NNT: variants seen among roughly 807,000 people sequenced by gnomAD.
NNT encodes the protein nicotinamide nucleotide transhydrogenase.
In NNT, 50 loss-of-function variants were observed where a neutral mutation model predicts 104.8. That is an observed-to-expected ratio of 0.48 (90% CI 0.38 to 0.60). NNT has a LOEUF of 0.60. Among genes scored for constraint, NNT ranks in the 20% least tolerant of loss-of-function variants. NNT has a pLI of 0.00. For synonymous variants in NNT, 461 were observed against 490.4 expected (o/e 0.94, Z 0.79); for missense variants, 1,131 against 1,330.7 (o/e 0.85, Z 2.33).
At chr5:43,685,044 A>T (rs776486583) in intron 19 of NNT, among the ~76,000 whole-genome samples, 3 of 152,190 alleles carry the variant, frequency 2.0e-5, no homozygotes, top group African/African-American at 7.2e-5. Context: ...TTGGGACAAA[A>T]CAGTGTGCAA....
intron 3 of NNT, among the ~76,000 whole-genome samples, chr5:43,615,114 G>A (rs1441308131): frequency 2.0e-5 from 3 of 151,784 alleles, no homozygotes; most frequent in African/African-American, 4.8e-5. Flanking sequence ...TCCGCAGTCC[G>A]GCCTGGGCGA....
chr5:43,629,376 G>T (rs1750555407), intron 7 of NNT, among the ~76,000 whole-genome samples: 1 of 152,096 alleles, frequency 6.6e-6, no homozygotes, highest in African/African-American at 2.4e-5. Context: ...TCTACTCGTT[G>T]GTTGATGCGC....
At chr5:43,700,665 C>T (rs564053857) in intron 20 of NNT, among the ~76,000 whole-genome samples, 58 of 152,278 alleles carry the variant, frequency 3.8e-4, no homozygotes, top group African/African-American at 1.3e-3. Context: ...ATTGTACTAA[C>T]GTATGACTGG....
At chr5:43,613,229 C>G in intron 3 of NNT, 92 bp downstream of exon 3, 1 of 965,106 alleles carries the variant, frequency 1.0e-6, no homozygotes, top group Non-Finnish European at 1.5e-6. Context: ...TGGAGTTACA[C>G]CTTTTCCTAT....
chr5:43,672,230 C>T (rs1741143860), intron 17 of NNT, among the ~76,000 whole-genome samples: 1 of 152,178 alleles, frequency 6.6e-6, no homozygotes, highest in Non-Finnish European at 1.5e-5. Flanking sequence ...TGGGTTCAAA[C>T]TTCCTCCTTT....
rs1739700799 is a variant in NNT at position 43,650,513 on chromosome 5, G to A, written c.1643G>A (p.Gly548Glu). 2 of 1,614,102 alleles carry A rather than the reference G, an allele frequency of 1.2e-6. No homozygotes were observed. Among genetic ancestry groups the A allele is most frequent in the East Asian group, 4.5e-5 (2 of 44,862 alleles). Residue 548 changes from glycine to glutamate, a missense_variant, in exon 12 of 22, where the codon GGA (glycine) becomes GAA (glutamate). Physicochemically the swap from Gly to Glu is moderately conservative, Grantham distance 98. Transcript: ENST00000344920. Reference sequence around the variant, plus strand: ...GTTGGTGGGTTGGCACTGATGGGAGGACATTTGTATCCTTCCACAACTTCT... The same window carrying A: ...GTTGGTGGGTTGGCACTGATGGGAGAACATTTGTATCCTTCCACAACTTCT... The part of the protein sequence containing the change: ...TAVGGLALMG[G>E]HLYPSTTSQG...
intron 7 of NNT, among the ~76,000 whole-genome samples, chr5:43,638,506 A>G (rs1048165368): frequency 7.2e-5 from 11 of 152,164 alleles, no homozygotes; most frequent in Admixed American, 5.2e-4. Flanking sequence ...CATTTAGTCA[A>G]TATAGAGACT....
chr5:43,694,738 T>TTGTGTGTGTGTGTGTG lies in NNT; in HGVS notation c.2877-5353_2877-5338dup, dbSNP rs61079918. On this transcript the variant is annotated intron_variant, in intron 19 of 21. Transcript: ENST00000344920. ...TTCATCAAGGATATTGGCCTAAAGT[T>TTGTGTGTGTGTGTGTG]TGTGTGTGTGTGTGTGTGTGTGTGT... Among the ~76,000 whole-genome samples, 23 of 137,910 alleles carry TTGTGTGTGTGTGTGTG rather than the reference T, an allele frequency of 1.7e-4. No homozygotes were observed. The East Asian group carries it at 2.6e-3, about 16-fold the overall frequency. The allele number at this position is 137,910 out of a possible 152,430, so 90.5% of individuals were successfully genotyped here.
At chr5:43,643,824 A>G (rs1237603363) in intron 7 of NNT, among the ~76,000 whole-genome samples, 1 of 152,242 alleles carries the variant, frequency 6.6e-6, no homozygotes, top group Non-Finnish European at 1.5e-5. Flanking sequence ...TTGGGTGCAT[A>G]TAGTTTCCAT....
intron 7 of NNT, among the ~76,000 whole-genome samples, chr5:43,632,481 C>T (rs1750726053): frequency 6.6e-6 from 1 of 152,148 alleles, no homozygotes; most frequent in Non-Finnish European, 1.5e-5. Flanking sequence ...AAACAATGAA[C>T]TTGTACTTAC....
intron 19 of NNT, among the ~76,000 whole-genome samples, chr5:43,682,687 A>G (rs1040836964): frequency 6.6e-6 from 1 of 152,228 alleles, no homozygotes; most frequent in Non-Finnish European, 1.5e-5. Flanking sequence ...CTTGTATAGT[A>G]TTTGAGTAAC....
chr5:43,608,453 T>C (rs180935582), intron 1 of NNT, among the ~76,000 whole-genome samples: 28 of 152,338 alleles, frequency 1.8e-4, no homozygotes, highest in Admixed American at 1.6e-3. Context: ...CAGTTCATAG[T>C]TATGGCCACA....
At chr5:43,693,145 A>G (rs1742379433) in intron 19 of NNT, among the ~76,000 whole-genome samples, 1 of 152,180 alleles carries the variant, frequency 6.6e-6, no homozygotes, top group Non-Finnish European at 1.5e-5. Flanking sequence ...CAAGGTTAAA[A>G]GTCTGGAACT....
intron 7 of NNT, among the ~76,000 whole-genome samples, chr5:43,633,472 A>G (rs1470367583): frequency 6.6e-6 from 1 of 151,992 alleles, no homozygotes; most frequent in Admixed American, 6.5e-5. Context: ...TTGAAATCCT[A>G]CTCAACTCAA....
At chr5:43,648,112 G>A (rs1739550604) in intron 10 of NNT, 5 of 1,207,190 alleles carry the variant, frequency 4.1e-6, no homozygotes, top group South Asian at 1.5e-5. Flanking sequence ...AGACAAAATA[G>A]TGTTGTATCT....
In NNT at chr5:43,704,511, G is replaced by A. The variant is rs1743018182; in HGVS notation, c.*107G>A. ...GATGTACATCTGTAGCAAAGCTCTT[G>A]GAGAAAATGAAGACTGAAGAAAGCA... On this transcript the variant is annotated 3_prime_UTR_variant, in exon 22 of 22. Coordinates refer to ENST00000344920, the MANE Select transcript of NNT (RefSeq NM_182977.3). 2 of 1,202,484 alleles carry A rather than the reference G, an allele frequency of 1.7e-6. No homozygotes were observed. Among genetic ancestry groups the A allele is most frequent in the South Asian group, 3.1e-5 (2 of 65,026 alleles). The allele number at this position is 1,202,484 out of a possible 1,614,324, so 74.5% of individuals were successfully genotyped here.
chr5:43,680,016 A>T, intron 19 of NNT, among the ~76,000 whole-genome samples: 1 of 151,498 alleles, frequency 6.6e-6, no homozygotes. Context: ...GTTTTTTTTT[A>T]CTATAGTATG....
At chr5:43,675,457 T>G in intron 17 of NNT, 54 bp from the exon 18 acceptor site, 2 of 1,508,666 alleles carry the variant, frequency 1.3e-6, no homozygotes, top group Non-Finnish European at 1.8e-6. Context: ...ATTTGTACTA[T>G]TCTCACAAAG....
At position 43,667,084 on chromosome 5, in the gene NNT, T is replaced by C. The variant is rs2112027938; in HGVS notation, c.2634+7734T>C. The C allele has an allele frequency of 1.9e-6, 3 of 1,584,788 alleles. No homozygotes were observed. In the East Asian group the frequency reaches 6.7e-5, roughly 35 times the overall value. ...CTGCATCTTCTTTAGGCCCTTCTTGTTGTGCTTCTTGGCAAAGTGCATGTT... is the reference window on the plus strand; with the variant it reads ...CTGCATCTTCTTTAGGCCCTTCTTGCTGTGCTTCTTGGCAAAGTGCATGTT... On this transcript the variant is annotated intron_variant, in intron 17 of 21. Transcript: ENST00000344920.
Sources: allele counts gnomAD v4.1 joint callset (sites outside exome capture counted in the v4.1 genomes callset), GRCh38; gene constraint gnomAD v4.1.1; transcripts MANE v1.5; gene names NCBI Gene and HGNC (gene_info 2026-07-23, HGNC 2026-07-21).